TENM4: variants seen among roughly 807,000 people sequenced by gnomAD.
TENM4 encodes teneurin-4.
In TENM4, 82 loss-of-function variants were observed where a neutral mutation model predicts 243.3. The observed-to-expected ratio is 0.34, with a 90% CI of 0.28 to 0.40. The LOEUF (loss-of-function observed/expected upper bound fraction) is 0.40. Ranked by LOEUF, TENM4 falls within the 10% of genes least tolerant of loss-of-function variation. The pLI, the probability that TENM4 is intolerant of heterozygous loss-of-function variation, is 1.00. For missense variants in TENM4, 3,138 were observed against 3,673.3 expected, an observed-to-expected ratio of 0.85 and a Z score of 3.77; for synonymous variants, 1,412 against 1,456.3, an observed-to-expected ratio of 0.97 and a Z score of 0.69.
chr11:78,864,602 T>C (rs1436702248), intron 9 of TENM4, among the ~76,000 whole-genome samples: 1 of 152,224 alleles, frequency 6.6e-6, no homozygotes, highest in Non-Finnish European at 1.5e-5. Context: ...CCAATAATGT[T>C]TGTGATCTAG....
intron 1 of TENM4, among the ~76,000 whole-genome samples, chr11:79,432,992 A>C (rs1431204889): frequency 6.6e-6 from 1 of 152,116 alleles, no homozygotes; most frequent in East Asian, 1.9e-4. Flanking sequence ...CTCCTATAGG[A>C]TCACAGGATG....
Position 78,863,038 on chromosome 11 carries a change from T to C in TENM4, c.1179A>G (p.Pro393=). 6.5e-7 allele frequency: 1 copy of C among 1,537,698 alleles called. No homozygotes were observed. Among genetic ancestry groups the C allele is most frequent in the Non-Finnish European group, 8.8e-7 (1 of 1,136,242 alleles). Residue 393 remains proline (P), a synonymous_variant, in exon 10 of 34, where the codon CCA becomes CCG. Coordinates refer to ENST00000278550, the MANE Select transcript of TENM4 (RefSeq NM_001098816.3). ...TEDTASSWPV[P]TDVSLYPSGG... The stretch of plus-strand genomic sequence containing the variant: ...CTGAGGGGTATAGGGAGACGTCGGT[T>C]GGCACAGGCCAACTGCTGGCTGTGT...
intron 2 of TENM4, among the ~76,000 whole-genome samples, chr11:79,250,116 G>C (rs1855584473): frequency 6.6e-6 from 1 of 152,134 alleles, no homozygotes; most frequent in Admixed American, 6.5e-5. Flanking sequence ...CTCTTGAGTA[G>C]CTGGGATTAC....
intron 9 of TENM4, among the ~76,000 whole-genome samples, chr11:78,887,622 C>T (rs552280985): frequency 1.3e-5 from 2 of 152,326 alleles, no homozygotes; most frequent in South Asian, 4.1e-4. Flanking sequence ...CCAGTGAAAA[C>T]TCCCAGGCAG....
chr11:79,314,597 G>A (rs980124068), intron 1 of TENM4, among the ~76,000 whole-genome samples: 4 of 152,168 alleles, frequency 2.6e-5, no homozygotes, highest in South Asian at 2.1e-4. Flanking sequence ...TTTGGTTCCC[G>A]GCATACAATA....
intron 2 of TENM4, among the ~76,000 whole-genome samples, chr11:79,266,781 A>G (rs1855890744): frequency 6.6e-6 from 1 of 152,238 alleles, no homozygotes; most frequent in East Asian, 1.9e-4. Flanking sequence ...TAAGACTTTC[A>G]GAATTGTCTA....
chr11:79,031,455 C>T (rs762807224), intron 6 of TENM4, among the ~76,000 whole-genome samples: 43 of 152,136 alleles, frequency 2.8e-4, no homozygotes, highest in Non-Finnish European at 4.9e-4. Flanking sequence ...TTCTCATAGG[C>T]ACCAGGAAGC....
chr11:79,119,294 A>C (rs1263371753), intron 4 of TENM4, among the ~76,000 whole-genome samples: 2 of 151,892 alleles, frequency 1.3e-5, no homozygotes, highest in Non-Finnish European at 2.9e-5. Context: ...AATAAGCTAA[A>C]CAACCAACAA....
intron 1 of TENM4, among the ~76,000 whole-genome samples, chr11:79,409,089 TGTGTGTGTGTGTGC>T (rs1172921520): frequency 5.9e-5 from 7 of 118,038 alleles, no homozygotes; most frequent in East Asian, 2.4e-4. Flanking sequence ...TGTGTGTGTG[TGTGTGTGTGTGTGC>T]GCGCGCGCGC....
chr11:78,729,679 C>A (rs759105869), intron 21 of TENM4, 36 bp from the exon 22 acceptor site: 1 of 1,565,842 alleles, frequency 6.4e-7, no homozygotes. Flanking sequence ...AAGGGACGGT[C>A]GTCGACTCAC....
intron 9 of TENM4, among the ~76,000 whole-genome samples, chr11:78,876,941 T>G (rs900711896): frequency 1.3e-5 from 2 of 152,242 alleles, no homozygotes; most frequent in African/African-American, 2.4e-5. Context: ...ACTCCACACC[T>G]ACTATGGGTC....
intron 2 of TENM4, among the ~76,000 whole-genome samples, chr11:79,231,484 C>T (rs913204366): frequency 1.3e-5 from 2 of 151,906 alleles, no homozygotes; most frequent in Admixed American, 1.3e-4. Flanking sequence ...TATCATGTAC[C>T]AGCCATGACT....
At chr11:79,140,247 T>G (rs1862261438) in intron 4 of TENM4, among the ~76,000 whole-genome samples, 1 of 152,056 alleles carries the variant, frequency 6.6e-6, no homozygotes, top group Admixed American at 6.6e-5. Context: ...TTCCCTTTCT[T>G]TAATCCTTTG....
chr11:79,046,028 A>G (rs1859646618), intron 6 of TENM4, among the ~76,000 whole-genome samples: 1 of 152,242 alleles, frequency 6.6e-6, no homozygotes, highest in Non-Finnish European at 1.5e-5. Flanking sequence ...TTGCACTTGC[A>G]GTCACTCTTA....
intron 6 of TENM4, among the ~76,000 whole-genome samples, chr11:79,044,195 G>A (rs187110275): frequency 2.0e-4 from 30 of 152,276 alleles, no homozygotes; most frequent in African/African-American, 6.0e-4. Context: ...CTTTCAACAC[G>A]TTTCAGTTAA....
chr11:79,420,746 C>T (rs890080913), intron 1 of TENM4, among the ~76,000 whole-genome samples: 2 of 152,080 alleles, frequency 1.3e-5, no homozygotes, highest in African/African-American at 4.8e-5. Context: ...ACTATTACCC[C>T]TCCACATGCT....
chr11:78,764,879 A>G (rs1856510814), intron 18 of TENM4, among the ~76,000 whole-genome samples: 1 of 152,144 alleles, frequency 6.6e-6, no homozygotes, highest in African/African-American at 2.4e-5. Context: ...TATTTCCTGG[A>G]AGACAGAATG....
At chr11:79,312,333 G>A (rs978128322) in intron 1 of TENM4, among the ~76,000 whole-genome samples, 2 of 152,232 alleles carry the variant, frequency 1.3e-5, no homozygotes, top group African/African-American at 4.8e-5. Flanking sequence ...GTAAATATTT[G>A]CCTGATTCAT....
At chr11:78,721,197 CCTT>C (rs1394478220) in intron 24 of TENM4, among the ~76,000 whole-genome samples, 1 of 152,214 alleles carries the variant, frequency 6.6e-6, no homozygotes, top group Non-Finnish European at 1.5e-5. Context: ...CTCAAAGAAT[CCTT>C]CTTCCTTGAC....
Sources: allele counts gnomAD v4.1 joint callset (sites outside exome capture counted in the v4.1 genomes callset), GRCh38; gene constraint gnomAD v4.1.1; transcripts MANE v1.5; gene names NCBI Gene and HGNC (gene_info 2026-07-23, HGNC 2026-07-21).